Variants in ERCC1 observed in about 807,000 individuals in gnomAD.
The protein encoded by ERCC1 is DNA excision repair protein ERCC-1.
ERCC1 carries 36 observed loss-of-function variants against 37.6 expected under a neutral mutation model. The ratio of observed to expected loss-of-function variants is 0.96; its 90% CI spans 0.73 to 1.26. ERCC1 has a LOEUF of 1.26. Ranked by LOEUF, ERCC1 falls within the 50% of genes most tolerant of loss-of-function variation. ERCC1 has a pLI of 0.00. For synonymous variants in ERCC1, 156 were observed against 162.1 expected (o/e 0.96, Z 0.28); for missense variants, 349 against 376.5 (o/e 0.93, Z 0.60).
At chr19:45,427,871 G>T (rs979315159), upstream of ERCC1, among the ~76,000 whole-genome samples, 2 of 152,112 alleles carry the variant, frequency 1.3e-5, no homozygotes, top group Non-Finnish European at 2.9e-5. Context: ...CCTAGAAGGC[G>T]GCCCATTCCC....
chr19:45,407,459 T>G lies in ERCC1; in HGVS notation c.*2216A>C. On this transcript the variant is annotated 3_prime_UTR_variant, in exon 10 of 10. Coordinates refer to ENST00000300853, the MANE Select transcript of ERCC1 (RefSeq NM_001983.4). ...ACTTATAAGAAACTATAAGGAACTA[T>G]AGTTAAACTTGGAGTGTGCAGATAA... is the stretch of plus-strand genomic sequence containing the variant. 1.9e-6 allele frequency: 1 copy of G among 520,604 alleles called. No individual in the cohort carries two copies. The allele number at this position is 520,604 out of a possible 1,614,324, so 32.2% of individuals were successfully genotyped here. A position where few individuals can be genotyped will look rare whatever the true frequency, so the allele number is the denominator to read the frequency against.
chr19:45,408,191 G>A lies in ERCC1; in HGVS notation c.*1484C>T, dbSNP rs779065447. The A allele has an allele frequency of 6.2e-7, 1 of 1,613,266 alleles. No individual in the cohort carries two copies. The highest frequency in any genetic ancestry group is 1.1e-5 in the South Asian group (1 of 91,014). On this transcript the variant is annotated 3_prime_UTR_variant, in exon 10 of 10. Coordinates refer to ENST00000300853, the MANE Select transcript of ERCC1 (RefSeq NM_001983.4). ...CCAGATCGTCAAGGGCAAATTGGCA[G>A]GCAAGCGGCACCGCTATCGAGTCCT...
intron 6 of ERCC1, 32 bp downstream of exon 6, chr19:45,416,789 G>C (rs1974096505): frequency 6.4e-7 from 1 of 1,566,746 alleles, no homozygotes; most frequent in African/African-American, 1.4e-5. Flanking sequence ...CCCAGGTGGA[G>C]CCTGAATGAG....
intron 1 of ERCC1, among the ~76,000 whole-genome samples, chr19:45,432,317 G>A (rs886100866): frequency 1.2e-4 from 18 of 146,642 alleles, no homozygotes; most frequent in Admixed American, 1.1e-3. Flanking sequence ...ATTATTATTA[G>A]TTATTTTTAG....
rs763663970 is a variant in ERCC1 at position 45,408,337 on chromosome 19, A to G, written c.*1338T>C. 1.4e-5 allele frequency: 23 copies of G among 1,608,920 alleles called. No homozygotes were observed. The highest frequency in any genetic ancestry group is 2.0e-5 in the Non-Finnish European group (23 of 1,176,374). Reference sequence around the variant, plus strand: ...TAAGGATCCTTGAGGGTCCCCAGCAATCCCTGTCAGGGAGCCCTCTGCAGC... The same window carrying G: ...TAAGGATCCTTGAGGGTCCCCAGCAGTCCCTGTCAGGGAGCCCTCTGCAGC... On this transcript the variant is annotated 3_prime_UTR_variant, in exon 10 of 10. Transcript: ENST00000300853.
intron 2 of ERCC1, among the ~76,000 whole-genome samples, chr19:45,422,041 C>T (rs1974468963): frequency 6.6e-6 from 1 of 152,082 alleles, no homozygotes; most frequent in African/African-American, 2.4e-5. Flanking sequence ...CCTCAGCCTC[C>T]ACTCTGGTCC....
rs773205526 is a variant in ERCC1, at chr19:45,409,233, A to C, written c.*442T>G. 5 of 715,038 alleles carry C rather than the reference A, an allele frequency of 7.0e-6. No individual in the cohort carries two copies. The highest frequency in any genetic ancestry group is 9.9e-6 in the Non-Finnish European group (5 of 506,374). 44.3% of individuals were successfully genotyped at this position (715,038 alleles called of 1,614,324 possible). On this transcript the variant is annotated 3_prime_UTR_variant, in exon 10 of 10. Coordinates refer to ENST00000300853, the MANE Select transcript of ERCC1 (RefSeq NM_001983.4). ...CCTCAGGCAGCTCCCACATCCACCA[A>C]GAAGAAGAAGAAGAAGAAAGAGAGA...
upstream of ERCC1, among the ~76,000 whole-genome samples, chr19:45,426,156 G>A (rs1319116024): frequency 1.3e-5 from 2 of 151,834 alleles, no homozygotes; most frequent in African/African-American, 2.4e-5. Context: ...CGAGACAGGC[G>A]GATCACGAGG....
Position 45,409,233 on chromosome 19 carries a change from A to T in ERCC1, c.*442T>A. 5.6e-6 allele frequency: 4 copies of T among 715,038 alleles called. No homozygotes were observed. The allele number at this position is 715,038 out of a possible 1,614,324, so 44.3% of individuals were successfully genotyped here. On this transcript the variant is annotated 3_prime_UTR_variant, in exon 10 of 10. Transcript: ENST00000300853. Reference sequence around the variant, plus strand: ...CCTCAGGCAGCTCCCACATCCACCAAGAAGAAGAAGAAGAAGAAAGAGAGA... The same window carrying T: ...CCTCAGGCAGCTCCCACATCCACCATGAAGAAGAAGAAGAAGAAAGAGAGA...
At chr19:45,432,957 C>G (rs1348700420) in intron 1 of ERCC1, among the ~76,000 whole-genome samples, 3 of 152,166 alleles carry the variant, frequency 2.0e-5, no homozygotes, top group African/African-American at 7.2e-5. Flanking sequence ...GCACATGCCT[C>G]TAATCCCACC....
chr19:45,427,974 G>A (rs867684558), upstream of ERCC1, among the ~76,000 whole-genome samples: 1 of 152,160 alleles, frequency 6.6e-6, no homozygotes, highest in Non-Finnish European at 1.5e-5. Flanking sequence ...TTAGTTAAGA[G>A]CGAGGGGAAA....
chr19:45,423,632 G>T, intron 1 of ERCC1, 149 bp downstream of exon 1: 1 of 1,333,486 alleles, frequency 7.5e-7, no homozygotes. Context: ...TATTGGCTCC[G>T]TCCCCACCAT....
intron 1 of ERCC1, among the ~76,000 whole-genome samples, chr19:45,433,620 A>C (rs12610995): frequency 0.16 from 24,080 of 151,424 alleles, 2,222 homozygotes; most frequent in Admixed American, 0.24. Flanking sequence ...CCCGGGAGAC[A>C]GAGGTTGCAG....
Position 45,420,404 on chromosome 19 carries a change from G to T in ERCC1, c.345C>A (p.Phe115Leu), listed in dbSNP as rs571797380. The change falls in exon 4 of 10, where the codon TTC becomes TTA. Residue 115 changes from phenylalanine (F) to leucine (L), a missense_variant. Phe to Leu is a conservative substitution (Grantham distance 22). Coordinates refer to ENST00000300853, the MANE Select transcript of ERCC1 (RefSeq NM_001983.4). The surrounding 1 kb of genome is among the most constrained non-coding windows in gnomAD (Gnocchi z 4.8). The part of the protein sequence containing the change: ...PRQRGNPVLK[F>L]VRNVPWEFGD... ...CAAATTCCCAGGGCACATTGCGCAC[G>T]AACTTCAGTACGGGATTGCCCCTCT... The T allele has an allele frequency of 6.2e-7, 1 of 1,613,332 alleles. No homozygotes were observed. Among genetic ancestry groups the T allele is most frequent in the South Asian group, 1.1e-5 (1 of 90,932 alleles).
In ERCC1 at chr19:45,419,584, A is replaced by C. The variant is rs1453685598; in HGVS notation, c.426-387T>G. 1.7e-5 allele frequency: 5 copies of C among 300,776 alleles called. No individual in the cohort carries two copies. In the East Asian group the frequency reaches 4.0e-4, roughly 24 times the overall value. 18.6% of individuals were successfully genotyped at this position (300,776 alleles called of 1,614,324 possible). A position where few individuals can be genotyped will look rare whatever the true frequency, so the allele number is the denominator to read the frequency against. On this transcript the variant is annotated intron_variant, in intron 4 of 9. Coordinates refer to ENST00000300853, the MANE Select transcript of ERCC1 (RefSeq NM_001983.4). Reference sequence around the variant, plus strand: ...GCTCTGGCCTTGGAGGGCTACGGTGAGGGCTTCATGACCCAGGGAACTAGG... The same window carrying C: ...GCTCTGGCCTTGGAGGGCTACGGTGCGGGCTTCATGACCCAGGGAACTAGG...
chr19:45,419,928 G>A (rs1476486285), intron 4 of ERCC1, among the ~76,000 whole-genome samples: 1 of 83,116 alleles, frequency 1.2e-5, no homozygotes, highest in Non-Finnish European at 2.4e-5. Flanking sequence ...CCTCCTCCCT[G>A]AGACCCCAGG....
rs1282954388 is a variant in ERCC1 at position 45,408,696 on chromosome 19, G to A, written c.*979C>T. 6.2e-7 allele frequency: 1 copy of A among 1,613,764 alleles called. No individual in the cohort carries two copies. The highest frequency in any genetic ancestry group is 8.5e-7 in the Non-Finnish European group (1 of 1,179,998). On this transcript the variant is annotated 3_prime_UTR_variant, in exon 10 of 10. Coordinates refer to ENST00000300853, the MANE Select transcript of ERCC1 (RefSeq NM_001983.4). Reference sequence around the variant, plus strand: ...ACAGTGGAGACACTGGAGCCTCTGGGAGTGCTGTTCCCGTCCACCACCAAG... The same window carrying A: ...ACAGTGGAGACACTGGAGCCTCTGGAAGTGCTGTTCCCGTCCACCACCAAG...
At chr19:45,437,922 T>C (rs1244870807) in intron 1 of ERCC1, among the ~76,000 whole-genome samples, 2 of 152,156 alleles carry the variant, frequency 1.3e-5, no homozygotes, top group Admixed American at 6.6e-5. Flanking sequence ...TTTTTTTTTT[T>C]TTTGAGACGG....
chr19:45,409,668 G>A lies in ERCC1; in HGVS notation c.*7C>T, dbSNP rs766667054. 2.6e-5 allele frequency: 32 copies of A among 1,231,678 alleles called. No homozygotes were observed. In the Middle Eastern group the frequency reaches 5.7e-4, roughly 22 times the overall value. 76.3% of individuals were successfully genotyped at this position (1,231,678 alleles called of 1,614,324 possible). A position where few individuals can be genotyped will look rare whatever the true frequency, so the allele number is the denominator to read the frequency against. ...TACACTGGGGGTTTCCTTGGCAGCT[G>A]GGGTCATCAGGGTACTTTCAAGAAG... On this transcript the variant is annotated 3_prime_UTR_variant, in exon 10 of 10. Transcript: ENST00000300853.
Sources: gnomAD v4.1 joint callset for allele counts (sites outside exome capture counted in the v4.1 genomes callset) on GRCh38, gnomAD v4.1.1 for gene constraint, Gnocchi (gnomAD v3.1) non-coding constraint, MANE v1.5 for transcripts, NCBI Gene and HGNC (gene_info 2026-07-23, HGNC 2026-07-21) for gene names.